The following PLD1 variants were observed in gnomAD, a reference collection of about 807,000 sequenced individuals.
PLD1 encodes the protein choline phosphatase 1.
A neutral mutation model predicts 137.1 loss-of-function variants in PLD1; 112 were observed. The ratio of observed to expected loss-of-function variants is 0.82; its 90% confidence interval spans 0.70 to 0.96. PLD1 has a LOEUF of 0.96. Ranked by LOEUF, PLD1 falls within the 40% of genes least tolerant of loss-of-function variation. The pLI, the probability that PLD1 is intolerant of heterozygous loss-of-function variation, is 0.00. For synonymous variants in PLD1, 431 were observed against 454.7 expected (o/e 0.95, Z 0.66); for missense variants, 1,321 against 1,342.0 (o/e 0.98, Z 0.24).
At chr3:171,798,196 T>C (rs910752122) in intron 1 of PLD1, among the ~76,000 whole-genome samples, 6 of 152,320 alleles carry the variant, frequency 3.9e-5, no homozygotes, top group South Asian at 4.1e-4. Flanking sequence ...AACTAAATGA[T>C]AAGGGAGTGC....
chr3:171,766,145 C>A (rs1210610347), intron 1 of PLD1, among the ~76,000 whole-genome samples: 1 of 152,052 alleles, frequency 6.6e-6, no homozygotes, highest in Non-Finnish European at 1.5e-5. Flanking sequence ...ATGATAAATT[C>A]TCATCTAAGA....
chr3:171,744,428 GTC>G (rs1213178762), intron 1 of PLD1, among the ~76,000 whole-genome samples: 1 of 152,162 alleles, frequency 6.6e-6, no homozygotes, highest in African/African-American at 2.4e-5. Context: ...AGAGTCAGAA[GTC>G]TGACTCCCAA....
chr3:171,621,468 G>T (rs2108297616), intron 23 of PLD1, among the ~76,000 whole-genome samples: 1 of 152,178 alleles, frequency 6.6e-6, no homozygotes. Context: ...TAGAAGGGTG[G>T]CAGTTCATCT....
intron 1 of PLD1, among the ~76,000 whole-genome samples, chr3:171,803,766 A>G (rs1007936484): frequency 1.1e-4 from 17 of 152,198 alleles, no homozygotes; most frequent in African/African-American, 4.1e-4. Flanking sequence ...GCCGCTTCCA[A>G]GTTACCAACA....
At chr3:171,606,225 A>T (rs984241997) in intron 25 of PLD1, among the ~76,000 whole-genome samples, 4 of 152,170 alleles carry the variant, frequency 2.6e-5, no homozygotes, top group Non-Finnish European at 5.9e-5. Context: ...TGTCTTGAGC[A>T]ACTATAATAA....
intron 23 of PLD1, among the ~76,000 whole-genome samples, chr3:171,628,992 G>C (rs1412439323): frequency 5.4e-5 from 8 of 147,006 alleles, no homozygotes; most frequent in African/African-American, 2.0e-4. Flanking sequence ...ATTCAACATA[G>C]TGTTGGAAGT....
Position 171,709,653 on chromosome 3 carries a change from A to G in PLD1, c.968T>C (p.Ile323Thr), listed in dbSNP as rs1264701195. Residue 323 changes from isoleucine (I) to threonine (T), a missense_variant, in exon 10 of 27, where the codon ATA becomes ACA. Ile to Thr is a moderately conservative substitution (Grantham distance 89). Transcript: ENST00000351298. ...GCCATGTTTCTGGATGAATTCTTCT[A>G]TAGCCCCTCCCCACCACCGAGCATG... ...YRHARWWGGA[I>T]EEFIQKHGTN... The G allele has an allele frequency of 6.2e-7, 1 of 1,614,032 alleles. No homozygotes were observed. The highest frequency in any genetic ancestry group is 8.5e-7 in the Non-Finnish European group (1 of 1,179,916).
intron 24 of PLD1, among the ~76,000 whole-genome samples, chr3:171,619,248 A>G (rs1248943458): frequency 2.0e-5 from 3 of 152,162 alleles, no homozygotes; most frequent in Admixed American, 6.5e-5. Flanking sequence ...TACTCATTTT[A>G]TATAATATTA....
chr3:171,663,443 G>A (rs570278436), intron 19 of PLD1, among the ~76,000 whole-genome samples: 1 of 152,318 alleles, frequency 6.6e-6, no homozygotes, highest in East Asian at 1.9e-4. Flanking sequence ...CTACTTTATA[G>A]GGTCATAGAG....
intron 1 of PLD1, among the ~76,000 whole-genome samples, chr3:171,748,247 C>T (rs1720398791): frequency 6.6e-6 from 1 of 152,144 alleles, no homozygotes; most frequent in Admixed American, 6.5e-5. Context: ...AAGTTTATTA[C>T]GTGTAAGTCA....
chr3:171,644,852 A>G (rs1255615436), intron 22 of PLD1, 58 bp downstream of exon 22: 2 of 971,266 alleles, frequency 2.1e-6, no homozygotes, highest in Non-Finnish European at 3.4e-6. Flanking sequence ...CATTCCCTTC[A>G]TCAGCTTACA....
chr3:171,697,956 T>C lies in PLD1; in HGVS notation c.1227+1789A>G, dbSNP rs141154383. Among the ~76,000 whole-genome samples, 198 of 152,308 alleles carry C rather than the reference T, an allele frequency of 1.3e-3. 2 individuals are homozygous for C. The highest frequency in any genetic ancestry group is 9.0e-3 in the Admixed American group (137 of 15,304). ...ATAGAAAACATTCAATAAATACATA[T>C]TGATTGAAACCTAAAACAGTGAGGT... is the stretch of plus-strand genomic sequence containing the variant. On this transcript the variant is annotated intron_variant, in intron 12 of 26. Coordinates refer to ENST00000351298, the MANE Select transcript of PLD1 (RefSeq NM_002662.5).
chr3:171,754,959 C>T (rs945647741), intron 1 of PLD1, among the ~76,000 whole-genome samples: 13 of 152,108 alleles, frequency 8.5e-5, no homozygotes, highest in South Asian at 6.2e-4. Flanking sequence ...GGTGTTAACT[C>T]GCCACCAGCT....
At chr3:171,628,449 C>T (rs1734338236) in intron 23 of PLD1, among the ~76,000 whole-genome samples, 1 of 152,070 alleles carries the variant, frequency 6.6e-6, no homozygotes, top group Non-Finnish European at 1.5e-5. Context: ...GGAACTGGTA[C>T]CATTCCTTCT....
chr3:171,680,051 G>A (rs536877227), intron 16 of PLD1, among the ~76,000 whole-genome samples: 1 of 152,114 alleles, frequency 6.6e-6, no homozygotes, highest in African/African-American at 2.4e-5. Context: ...TTTATGAGAA[G>A]GGGGACTTCT....
intron 1 of PLD1, among the ~76,000 whole-genome samples, chr3:171,794,193 G>C (rs981795350): frequency 1.3e-5 from 2 of 151,182 alleles, no homozygotes; most frequent in Non-Finnish European, 1.5e-5. Context: ...TTGAGAGAGA[G>C]AGAAAAAGAG....
chr3:171,717,334 C>T (rs1717755987), intron 8 of PLD1, among the ~76,000 whole-genome samples: 1 of 152,120 alleles, frequency 6.6e-6, no homozygotes, highest in African/African-American at 2.4e-5. Context: ...TCTTCCTATC[C>T]ATGAACATGG....
intron 8 of PLD1, among the ~76,000 whole-genome samples, chr3:171,723,553 T>C (rs936994683): frequency 1.3e-5 from 2 of 152,184 alleles, no homozygotes; most frequent in South Asian, 4.1e-4. Context: ...TCCAAACTGT[T>C]CTCCGTAGTC....
intron 1 of PLD1, among the ~76,000 whole-genome samples, chr3:171,766,372 AATC>A (rs1420142767): frequency 6.6e-6 from 1 of 152,142 alleles, no homozygotes; most frequent in East Asian, 1.9e-4. Context: ...AGAAAATATA[AATC>A]ATCAGAAATC....
Sources: allele counts gnomAD v4.1 joint callset (sites outside exome capture counted in the v4.1 genomes callset), GRCh38; gene constraint gnomAD v4.1.1; transcripts MANE v1.5; gene names NCBI Gene and HGNC (gene_info 2026-07-23, HGNC 2026-07-21).